The following BAAT variants were observed in gnomAD, a reference collection of about 807,000 sequenced individuals.
BAAT encodes bile acid-CoA:amino acid N-acyltransferase, also known as bile acid CoA: amino acid N-acyltransferase (glycine N-choloyltransferase).
In BAAT, 13 loss-of-function variants were observed where a neutral mutation model predicts 18.9. The ratio of observed to expected loss-of-function variants is 0.69; its 90% confidence interval spans 0.45 to 1.10. The LOEUF (loss-of-function observed/expected upper bound fraction) is 1.10. Among genes scored for constraint, BAAT ranks in the 50% least tolerant of loss-of-function variants. The pLI, the probability that BAAT is intolerant of heterozygous loss-of-function variation, is 0.00. For missense variants in BAAT, 489 were observed against 504.0 expected (o/e 0.97, Z 0.28); for synonymous variants, 170 against 190.7 (o/e 0.89, Z 0.89).
rs774616224 is a variant in BAAT, at chr9:101,362,763, G to T, written c.922C>A (p.Gln308Lys). The T allele has an allele frequency of 1.4e-5, 22 of 1,614,014 alleles. No homozygotes were observed. The highest frequency in any genetic ancestry group is 1.7e-5 in the Non-Finnish European group (20 of 1,180,040). The change falls in exon 4 of 4, where the codon CAA (glutamine) becomes AAA (lysine). Residue 308 changes from glutamine to lysine, a missense_variant. By Grantham distance (53) the Gln-to-Lys change is moderately conservative. Transcript: ENST00000259407. ...GCCTCTTCAATAGGAAACAAATATTGACTGGCCCCAACTTGAGTTGTCTCA... is the reference window on the plus strand; with the variant it reads ...GCCTCTTCAATAGGAAACAAATATTTACTGGCCCCAACTTGAGTTGTCTCA... ...TFETTQVGAS[Q>K]YLFPIEEAQG...
intron 1 of BAAT, among the ~76,000 whole-genome samples, 186 bp downstream of exon 1, chr9:101,384,669 G>A (rs114307606): frequency 3.3e-5 from 5 of 152,040 alleles, no homozygotes; most frequent in East Asian, 1.9e-4. Context: ...ACATAATGTC[G>A]TTAGAAACTA....
chr9:101,382,023 GT>G (rs1051425014), intron 1 of BAAT, among the ~76,000 whole-genome samples: 4 of 152,296 alleles, frequency 2.6e-5, no homozygotes, highest in African/African-American at 9.6e-5. Context: ...ATAAGATGCA[GT>G]TCCTACTCTA....
rs1829937006 is a variant in BAAT, at chr9:101,371,266, G to C, written c.139C>G (p.Gln47Glu). The change falls in exon 2 of 4, where the codon CAA (glutamine) becomes GAA (glutamate). Residue 47 changes from glutamine (Q) to glutamate (E), a missense_variant. Transcript: ENST00000259407. ...AATTCATTGGCCCTATAGTGGGCTT[G>C]AGAATAAAACATGTCTCCGTTTTCA... ...EDENGDMFYS[Q>E]AHYRANEFGE... The C allele has an allele frequency of 6.2e-7, 1 of 1,613,076 alleles. No individual in the cohort carries two copies. The highest frequency in any genetic ancestry group is 8.5e-7 in the Non-Finnish European group (1 of 1,179,212).
chr9:101,375,100 T>A (rs1243086099), intron 1 of BAAT, among the ~76,000 whole-genome samples: 2 of 152,174 alleles, frequency 1.3e-5, no homozygotes, highest in African/African-American at 4.8e-5. Context: ...ACGGGAGTTG[T>A]TCCCCCCCAT....
intron 1 of BAAT, among the ~76,000 whole-genome samples, chr9:101,377,504 G>A (rs2119035981): frequency 6.6e-6 from 1 of 152,202 alleles, no homozygotes; most frequent in Admixed American, 6.5e-5. Flanking sequence ...TGAGACTAGA[G>A]CATAAAATAT....
At chr9:101,376,743 G>C (rs1830054855) in intron 1 of BAAT, 1 of 152,158 alleles carries the variant, frequency 6.6e-6, no homozygotes, top group Non-Finnish European at 1.5e-5. Context: ...GGAGCATGTA[G>C]GCATGCTGGC....
At chr9:101,383,831 G>T (rs1830165694) in intron 1 of BAAT, among the ~76,000 whole-genome samples, 1 of 152,084 alleles carries the variant, frequency 6.6e-6, no homozygotes, top group Admixed American at 6.5e-5. Context: ...AATACTCAAG[G>T]TAACTTCTGG....
Position 101,368,261 on chromosome 9 carries a change from A to T in BAAT, c.528T>A (p.Phe176Leu), listed in dbSNP as rs1202493038. 2 of 1,613,606 alleles carry T rather than the reference A, an allele frequency of 1.2e-6. No individual in the cohort carries two copies. Among genetic ancestry groups the T allele is most frequent in the Non-Finnish European group, 1.7e-6 (2 of 1,180,020 alleles). ...CACGACTGGCTAGGAGGCTGGCCCGAAATTCAAGCAGCCCACCCAAACCAC... is the reference window on the plus strand; with the variant it reads ...CACGACTGGCTAGGAGGCTGGCCCGTAATTCAAGCAGCCCACCCAAACCAC... ...LFGGLGGLLE[F>L]RASLLASRGF... Residue 176 changes from phenylalanine to leucine, a missense_variant, in exon 3 of 4, where the codon TTT becomes TTA. Phe to Leu is a conservative substitution (Grantham distance 22). Coordinates refer to ENST00000259407, the MANE Select transcript of BAAT (RefSeq NM_001701.4).
chr9:101,375,767 C>G (rs564831148), intron 1 of BAAT: 1 of 152,526 alleles, frequency 6.6e-6, no homozygotes, highest in African/African-American at 2.4e-5. Context: ...CTGTGTGGAA[C>G]CTTGGATTCA....
Position 101,368,164 on chromosome 9 carries a change from C to A in BAAT, c.625G>T (p.Glu209Ter). The A allele has an allele frequency of 6.2e-7, 1 of 1,614,160 alleles. No individual in the cohort carries two copies. The highest frequency in any genetic ancestry group is 1.1e-5 in the South Asian group (1 of 91,090). The stretch of plus-strand genomic sequence containing the variant: ...AAGTTGGCAGCCTCCTCAAAATATT[C>A]CAAATCTGTTACTTCTGGTTTGCGG... ...LPRKPEVTDL[E>*]YFEEAANFLL... is the part of the protein sequence containing the mutation. The change falls in exon 3 of 4, where the codon GAA becomes TAA. Residue 209 changes from glutamate to a stop codon, truncating the protein, a stop_gained. Coordinates refer to ENST00000259407, the MANE Select transcript of BAAT (RefSeq NM_001701.4). LOFTEE classifies it low-confidence loss of function (END_TRUNC).
chr9:101,382,540 G>C (rs544007882), intron 1 of BAAT, among the ~76,000 whole-genome samples: 1 of 152,254 alleles, frequency 6.6e-6, no homozygotes, highest in South Asian at 2.1e-4. Flanking sequence ...CGAGGCACTT[G>C]ACCTCCAAGA....
intron 3 of BAAT, among the ~76,000 whole-genome samples, chr9:101,367,114 A>G (rs1048681286): frequency 1.6e-5 from 2 of 124,894 alleles, no homozygotes; most frequent in African/African-American, 3.2e-5. Context: ...CTGTCAAAAA[A>G]AGAAAAAAAA....
At chr9:101,374,083 C>T (rs999275668) in intron 1 of BAAT, among the ~76,000 whole-genome samples, 1 of 152,132 alleles carries the variant, frequency 6.6e-6, no homozygotes, top group African/African-American at 2.4e-5. Flanking sequence ...ATCAAAATGT[C>T]TGAAGGACTC....
chr9:101,364,113 A>G (rs1192891854), intron 3 of BAAT, among the ~76,000 whole-genome samples: 1 of 152,224 alleles, frequency 6.6e-6, no homozygotes, highest in Non-Finnish European at 1.5e-5. Context: ...CCACAATTTC[A>G]AAGCTAATAT....
intron 1 of BAAT, among the ~76,000 whole-genome samples, chr9:101,379,727 C>T (rs368330959): frequency 2.6e-5 from 4 of 152,198 alleles, no homozygotes; most frequent in African/African-American, 9.7e-5. Flanking sequence ...TTTGTGGCTA[C>T]AAGAAGTCTC....
intron 3 of BAAT, among the ~76,000 whole-genome samples, chr9:101,367,550 A>G (rs1329317221): frequency 1.3e-5 from 2 of 151,800 alleles, no homozygotes; most frequent in Non-Finnish European, 2.9e-5. Context: ...AGTGGCAGGA[A>G]CATGGCTCAC....
intron 3 of BAAT, among the ~76,000 whole-genome samples, chr9:101,363,966 G>A (rs1829782186): frequency 6.6e-6 from 1 of 152,078 alleles, no homozygotes; most frequent in Non-Finnish European, 1.5e-5. Flanking sequence ...CTATGATTGT[G>A]CTATTGTACC....
intron 2 of BAAT, among the ~76,000 whole-genome samples, chr9:101,370,473 C>T (rs988101710): frequency 1.3e-5 from 2 of 151,956 alleles, no homozygotes; most frequent in East Asian, 1.9e-4. Context: ...TGCTACCACA[C>T]CCAGCTAATT....
intron 2 of BAAT, among the ~76,000 whole-genome samples, chr9:101,370,687 T>C (rs888676153): frequency 6.6e-6 from 1 of 152,154 alleles, no homozygotes; most frequent in Admixed American, 6.6e-5. Flanking sequence ...AGATGAAACT[T>C]GAGCTGGAGT....
Sources: gnomAD v4.1 joint callset for allele counts (sites outside exome capture counted in the v4.1 genomes callset) on GRCh38, gnomAD v4.1.1 for gene constraint, MANE v1.5 for transcripts, NCBI Gene and HGNC (gene_info 2026-07-23, HGNC 2026-07-21) for gene names.